ACSBG1: variants seen among roughly 807,000 people sequenced by gnomAD.
ACSBG1 encodes acyl-CoA synthetase bubblegum family member 1.
Under a neutral mutation model 80.2 loss-of-function variants are expected in ACSBG1, and 39 were observed. The observed-to-expected ratio is 0.49, with a 90% CI of 0.38 to 0.64. ACSBG1 has a LOEUF of 0.64. Among genes scored for constraint, ACSBG1 ranks in the 30% least tolerant of loss-of-function variants. ACSBG1 has a pLI of 0.00. For missense variants in ACSBG1, 828 were observed against 966.4 expected (o/e 0.86, Z 1.90); for synonymous variants, 392 against 379.5 (o/e 1.03, Z -0.38).
At chr15:78,212,666 C>T (rs909170358) in intron 1 of ACSBG1, 2 of 451,018 alleles carry the variant, frequency 4.4e-6, no homozygotes. Context: ...GAGAACATGT[C>T]ACGGAGTCCC....
Position 78,168,111 on chromosome 15 carries a change from T to C in ACSBG1, c.*3333A>G, listed in dbSNP as rs1021985361. The C allele has an allele frequency of 1.3e-5, 2 of 152,118 alleles. No homozygotes were observed. The highest frequency in any genetic ancestry group is 2.9e-5 in the Non-Finnish European group (2 of 68,040). The allele number at this position is 152,118 out of a possible 1,614,324, so 9.4% of individuals were successfully genotyped here. A position where few individuals can be genotyped will look rare whatever the true frequency, so the allele number is the denominator to read the frequency against. On this transcript the variant is annotated 3_prime_UTR_variant, in exon 14 of 14. Transcript: ENST00000258873. ...AGATCAGTTGTATGGGAGGCTTTCT[T>C]TCCTAAAGAGGGAGGTTTAAGAGTT...
intron 2 of ACSBG1, among the ~76,000 whole-genome samples, chr15:78,203,855 G>C (rs753585851): frequency 9.2e-5 from 14 of 152,190 alleles, no homozygotes; most frequent in Non-Finnish European, 1.9e-4. Flanking sequence ...CGGTCCTGCA[G>C]GGCACTGACC....
Position 78,178,643 on chromosome 15 carries a change from C to T in ACSBG1, c.1673G>A (p.Gly558Asp), listed in dbSNP as rs762182242. 2 of 1,613,220 alleles carry T rather than the reference C, an allele frequency of 1.2e-6. No individual in the cohort carries two copies. Among genetic ancestry groups the T allele is most frequent in the East Asian group, 4.5e-5 (2 of 44,882 alleles). Reference protein sequence around the residue: ...TGDAGRLDADGFLYITGRLKE... With the variant: ...TGDAGRLDADDFLYITGRLKE... ...GAGGCGCCCAGTGATGTAGAGGAAG[C>T]CATCGGCGTCCAGGCGGCCAGCATC... is the stretch of plus-strand genomic sequence containing the variant. The change falls in exon 11 of 14, where the codon GGC becomes GAC. Residue 558 changes from glycine (G) to aspartate (D), a missense_variant. By Grantham distance (94) the Gly-to-Asp change is moderately conservative. Around this residue, in one of 3 missense-constraint regions of ACSBG1, gnomAD observed 201 missense variants for 227.0 expected, o/e 0.89. Transcript: ENST00000258873. The surrounding 1 kb of genome is among the most constrained non-coding windows in gnomAD (Gnocchi z 4.3).
In ACSBG1 at chr15:78,193,633, G is replaced by A. The variant is rs781044091; in HGVS notation, c.543-7C>T. On this transcript the variant is annotated splice_region_variant and splice_polypyrimidine_tract_variant and intron_variant, in intron 4 of 13. Coordinates refer to ENST00000258873, the MANE Select transcript of ACSBG1 (RefSeq NM_015162.5). ...GATGCCAGTGACGATGCCACTGTAG[G>A]AGACCCAGGAAGATTCACCTTAGGG... 2.5e-6 allele frequency: 4 copies of A among 1,610,684 alleles called. No homozygotes were observed. The highest frequency in any genetic ancestry group is 1.1e-5 in the South Asian group (1 of 90,500).
chr15:78,168,842 C>G lies in ACSBG1; in HGVS notation c.*2602G>C, dbSNP rs2074784135. Reference sequence around the variant, plus strand: ...GCCGAGTAACTTGCCCAGGTGGCATCTCACTGAGGGCTTTAAAATCTCCTT... The same window carrying G: ...GCCGAGTAACTTGCCCAGGTGGCATGTCACTGAGGGCTTTAAAATCTCCTT... On this transcript the variant is annotated 3_prime_UTR_variant, in exon 14 of 14. Coordinates refer to ENST00000258873, the MANE Select transcript of ACSBG1 (RefSeq NM_015162.5). The G allele has an allele frequency of 2.3e-6, 2 of 868,210 alleles. No homozygotes were observed. Among genetic ancestry groups the G allele is most frequent in the African/African-American group, 1.7e-5 (1 of 59,694 alleles). The allele number at this position is 868,210 out of a possible 1,614,324, so 53.8% of individuals were successfully genotyped here. A position where few individuals can be genotyped will look rare whatever the true frequency, so the allele number is the denominator to read the frequency against.
intron 1 of ACSBG1, among the ~76,000 whole-genome samples, chr15:78,209,943 C>G (rs1188239808): frequency 6.6e-6 from 1 of 152,234 alleles, no homozygotes; most frequent in African/African-American, 2.4e-5. Flanking sequence ...TCTCTCCCCA[C>G]AGAAAATTAG....
chr15:78,206,342 C>G (rs1447575353), intron 2 of ACSBG1, among the ~76,000 whole-genome samples: 1 of 152,176 alleles, frequency 6.6e-6, no homozygotes, highest in East Asian at 1.9e-4. Flanking sequence ...GCCCACCTTG[C>G]CCCCACAGCT....
chr15:78,173,830 C>A lies in ACSBG1; in HGVS notation c.1852G>T (p.Asp618Tyr). 1.2e-6 allele frequency: 2 copies of A among 1,613,728 alleles called. No homozygotes were observed. The highest frequency in any genetic ancestry group is 1.1e-5 in the South Asian group (1 of 90,882). Reference protein sequence around the residue: ...SMLLTLKCTLDPDTSDQTDNL... With the variant: ...SMLLTLKCTLYPDTSDQTDNL... ...TCAGTCTGGTCAGAGGTGTCTGGGT[C>A]CAGAGTGCACTGAAAAGCCAGAGAT... The change falls in exon 13 of 14, where the codon GAC becomes TAC. Residue 618 changes from aspartate to tyrosine, a missense_variant. This residue lies in a region of ACSBG1 where 201 missense variants were observed against 227.0 expected (regional missense o/e 0.89). Coordinates refer to ENST00000258873, the MANE Select transcript of ACSBG1 (RefSeq NM_015162.5).
intron 5 of ACSBG1, among the ~76,000 whole-genome samples, chr15:78,184,841 C>T (rs1337952164): frequency 1.3e-5 from 2 of 152,328 alleles, no homozygotes; most frequent in East Asian, 3.9e-4. Context: ...ATACGGTGTA[C>T]ACATTGGCCA....
chr15:78,212,635 C>T (rs1457997789), intron 1 of ACSBG1: 3 of 455,390 alleles, frequency 6.6e-6, no homozygotes, highest in Non-Finnish European at 1.3e-5. Context: ...TGAGCTTGCC[C>T]AGGAGAGAGC....
rs756061296 is a variant in ACSBG1, at chr15:78,193,924, C to T, written c.542+8G>A. ...CCTGGAGACCCCGTCCCTGCCCCCG[C>T]CACTCACCCTGCAAATACTGTGCCC... is the stretch of plus-strand genomic sequence containing the variant. On this transcript the variant is annotated splice_region_variant and intron_variant, in intron 4 of 13. Coordinates refer to ENST00000258873, the MANE Select transcript of ACSBG1 (RefSeq NM_015162.5). 1.9e-6 allele frequency: 3 copies of T among 1,613,784 alleles called. No individual in the cohort carries two copies. Among genetic ancestry groups the T allele is most frequent in the Non-Finnish European group, 2.5e-6 (3 of 1,179,912 alleles).
chr15:78,173,344 CAAAAAAAAAAAAAAA>C (rs59008825), intron 13 of ACSBG1, among the ~76,000 whole-genome samples: 1 of 75,226 alleles, frequency 1.3e-5, no homozygotes, highest in African/African-American at 5.3e-5. Flanking sequence ...GACTCCATCT[CAAAAAAAAAAAAAAA>C]AAAAAAAAAA....
rs560512240 is a variant in ACSBG1 at position 78,224,598 on chromosome 15, G to A, written c.131+9773C>T. Among the ~76,000 whole-genome samples the A allele has an allele frequency of 3.3e-5, 5 of 152,240 alleles. No individual in the cohort carries two copies. In the South Asian group the frequency reaches 1.0e-3, roughly 32 times the overall value. On this transcript the variant is annotated intron_variant, in intron 1 of 13. Coordinates refer to ENST00000258873, the MANE Select transcript of ACSBG1 (RefSeq NM_015162.5). ...TAGCCAGGCGTGGTGGCAGATACCTGTAGTCTCAGCTACTCAAGAGGCTGA... is the reference window on the plus strand; with the variant it reads ...TAGCCAGGCGTGGTGGCAGATACCTATAGTCTCAGCTACTCAAGAGGCTGA...
intron 2 of ACSBG1, among the ~76,000 whole-genome samples, chr15:78,204,640 A>G (rs2075197531): frequency 6.6e-6 from 1 of 152,214 alleles, no homozygotes; most frequent in African/African-American, 2.4e-5. Context: ...ATGGAGAAGG[A>G]ATCACTGGCA....
chr15:78,168,716 C>G lies in ACSBG1; in HGVS notation c.*2728G>C, dbSNP rs2074780769. ...AGAGCACCTTATTCTTTGCAGAGTG[C>G]TGTTGTATACACTATGAGATTGGAT... On this transcript the variant is annotated 3_prime_UTR_variant, in exon 14 of 14. Coordinates refer to ENST00000258873, the MANE Select transcript of ACSBG1 (RefSeq NM_015162.5). 1 of 437,324 alleles carries G rather than the reference C, an allele frequency of 2.3e-6. No individual in the cohort carries two copies. The highest frequency in any genetic ancestry group is 3.8e-5 in the Admixed American group (1 of 26,402). The allele number at this position is 437,324 out of a possible 1,614,324, so 27.1% of individuals were successfully genotyped here.
At chr15:78,228,456 C>T (rs1295864845) in intron 1 of ACSBG1, among the ~76,000 whole-genome samples, 1 of 152,164 alleles carries the variant, frequency 6.6e-6, no homozygotes, top group African/African-American at 2.4e-5. Context: ...TTGTACTCTG[C>T]CATTCAGGGG....
chr15:78,200,700 C>A (rs1207972428), intron 2 of ACSBG1, among the ~76,000 whole-genome samples: 1 of 152,192 alleles, frequency 6.6e-6, no homozygotes, highest in African/African-American at 2.4e-5. Context: ...AAAGGACTAT[C>A]ATGCCTCCCG....
At chr15:78,202,400 G>A (rs572224931) in intron 2 of ACSBG1, among the ~76,000 whole-genome samples, 10 of 152,114 alleles carry the variant, frequency 6.6e-5, no homozygotes, top group Admixed American at 3.9e-4. Flanking sequence ...TAGTAGAGAC[G>A]GGGTATCACT....
At chr15:78,185,650 A>G (rs2074995920) in intron 5 of ACSBG1, among the ~76,000 whole-genome samples, 1 of 152,210 alleles carries the variant, frequency 6.6e-6, no homozygotes, top group African/African-American at 2.4e-5. Flanking sequence ...CCAATTTCAG[A>G]AGGTGAATGA....
Sources: gnomAD v4.1 joint callset for allele counts (sites outside exome capture counted in the v4.1 genomes callset) on GRCh38, gnomAD v4.1.1 for gene constraint, gnomAD v4.1.1 regional missense constraint, Gnocchi (gnomAD v3.1) non-coding constraint, MANE v1.5 for transcripts, NCBI Gene and HGNC (gene_info 2026-07-23, HGNC 2026-07-21) for gene names.